The following PALM2AKAP2 variants were observed in gnomAD, a reference collection of about 807,000 sequenced individuals.
PALM2AKAP2 encodes the protein PALM2-AKAP2 fusion protein.
In PALM2AKAP2, 37 loss-of-function variants were observed where a neutral mutation model predicts 71.5. That is an observed-to-expected ratio of 0.52 (90% CI 0.40 to 0.68). The LOEUF (loss-of-function observed/expected upper bound fraction) is 0.68. Among genes scored for constraint, PALM2AKAP2 ranks in the 30% least tolerant of loss-of-function variants. The pLI is 0.00. For synonymous variants in PALM2AKAP2, 468 were observed against 478.8 expected (o/e 0.98, Z 0.29); for missense variants, 1,224 against 1,191.8 (o/e 1.03, Z -0.40).
chr9:110,060,581 G>A (rs1417022202), intron 1 of PALM2AKAP2, among the ~76,000 whole-genome samples: 2 of 151,700 alleles, frequency 1.3e-5, no homozygotes, highest in African/African-American at 2.4e-5. Flanking sequence ...GAGGAAAGAG[G>A]GTCAACAGGT....
intron 3 of PALM2AKAP2, among the ~76,000 whole-genome samples, chr9:109,886,807 C>T (rs938200590): frequency 6.6e-5 from 10 of 152,132 alleles, no homozygotes; most frequent in African/African-American, 1.4e-4. Context: ...GTTTTGGAAA[C>T]GGGTCAGAGT....
Position 110,110,700 on chromosome 9 carries a change from C to T in PALM2AKAP2, c.157-25427C>T, listed in dbSNP as rs537940940. ...TAGCTGGGATTACAGGCACCTGCCA[C>T]CATCCCTGGCTAATTTTTGTATTTT... On this transcript the variant is annotated intron_variant, in intron 1 of 3. Transcript: ENST00000374525. Among the ~76,000 whole-genome samples the T allele has an allele frequency of 6.0e-4, 92 of 152,080 alleles. No homozygotes were observed. The South Asian group carries it at 0.01, about 17-fold the overall frequency.
intron 6 of PALM2AKAP2, among the ~76,000 whole-genome samples, chr9:109,958,923 A>G (rs1354467027): frequency 2.6e-5 from 4 of 152,194 alleles, no homozygotes; most frequent in Non-Finnish European, 5.9e-5. Flanking sequence ...TACCTGCCTG[A>G]CCAAAATTTG....
intron 6 of PALM2AKAP2, among the ~76,000 whole-genome samples, chr9:109,935,731 G>C (rs538542919): frequency 1.1e-4 from 16 of 152,258 alleles, no homozygotes; most frequent in Non-Finnish European, 2.2e-4. Context: ...TTGAGTGTCA[G>C]CTTCCAGCAC....
intron 1 of PALM2AKAP2, among the ~76,000 whole-genome samples, chr9:110,116,975 C>A (rs1052146854): frequency 6.6e-6 from 1 of 152,114 alleles, no homozygotes; most frequent in Admixed American, 6.5e-5. Flanking sequence ...GAGCCCTGGC[C>A]GTTTAAAAGT....
chr9:109,691,879 CACATATATATATATATATATAT>C (rs1370753583), intron 1 of PALM2AKAP2, among the ~76,000 whole-genome samples: 1 of 50,508 alleles, frequency 2.0e-5, no homozygotes, highest in African/African-American at 6.7e-5. Context: ...CACACACACA[CACATATATATATATATATATAT>C]ACACACACAC....
At chr9:110,045,827 CA>C (rs1247489973), upstream of PALM2AKAP2, among the ~76,000 whole-genome samples, 1 of 152,130 alleles carries the variant, frequency 6.6e-6, no homozygotes, top group Non-Finnish European at 1.5e-5. Flanking sequence ...CTCGGACTCC[CA>C]AAGTGCTGGG....
At chr9:109,652,776 G>T (rs1218384976) in intron 1 of PALM2AKAP2, among the ~76,000 whole-genome samples, 1 of 152,048 alleles carries the variant, frequency 6.6e-6, no homozygotes, top group East Asian at 1.9e-4. Flanking sequence ...CCTTCATAGG[G>T]GTCACAATCT....
Position 110,019,093 on chromosome 9 carries a change from G to T in PALM2AKAP2, c.582+3054G>T, listed in dbSNP as rs112155451. Among the ~76,000 whole-genome samples, 1,511 of 151,996 alleles carry T rather than the reference G, an allele frequency of 9.9e-3. 27 individuals carry two copies. Among genetic ancestry groups the T allele is most frequent in the African/African-American group, 0.035 (1,449 of 41,422 alleles). ...GACTCTACTAAAAATACAAAAATTA[G>T]CCGGGTGTGATGGCGCGTGCCTGTA... On this transcript the variant is annotated intron_variant, in intron 7 of 9. Transcript: ENST00000302798.
At chr9:110,131,469 C>T (rs535301761) in intron 1 of PALM2AKAP2, among the ~76,000 whole-genome samples, 1 of 152,318 alleles carries the variant, frequency 6.6e-6, no homozygotes, top group Non-Finnish European at 1.5e-5. Context: ...TAATTTGAAG[C>T]ATGGAGAAAA....
intron 1 of PALM2AKAP2, among the ~76,000 whole-genome samples, chr9:109,712,402 T>C (rs1207938185): frequency 1.3e-5 from 2 of 152,196 alleles, no homozygotes; most frequent in Non-Finnish European, 2.9e-5. Context: ...TTTATCTCTA[T>C]CCAAGGTGAT....
chr9:110,026,984 A>G (rs1420622222), intron 7 of PALM2AKAP2, among the ~76,000 whole-genome samples: 1 of 152,208 alleles, frequency 6.6e-6, no homozygotes, highest in Non-Finnish European at 1.5e-5. Context: ...TAGAGGTTGC[A>G]GTGAGCCGAG....
chr9:109,999,752 T>TA (rs1832645988), intron 6 of PALM2AKAP2, among the ~76,000 whole-genome samples: 1 of 152,230 alleles, frequency 6.6e-6, no homozygotes, highest in Non-Finnish European at 1.5e-5. Flanking sequence ...GCCTAGGCCC[T>TA]AATTTGTGTC....
chr9:109,922,560 ATGAATGAATGAGTGAT>A (rs1830860572), intron 3 of PALM2AKAP2, among the ~76,000 whole-genome samples: 1 of 152,096 alleles, frequency 6.6e-6, no homozygotes, highest in African/African-American at 2.4e-5. Context: ...AAAAGAAAAA[ATGAATGAATGAGTGAT>A]TGAATGAATG....
intron 1 of PALM2AKAP2, among the ~76,000 whole-genome samples, chr9:110,097,517 CG>C (rs1834880575): frequency 6.6e-6 from 1 of 151,166 alleles, no homozygotes; most frequent in African/African-American, 2.4e-5. Context: ...CCTCACATCC[CG>C]GACGGGGCGA....
chr9:109,659,198 C>T (rs1473441391), intron 1 of PALM2AKAP2, among the ~76,000 whole-genome samples: 4 of 152,110 alleles, frequency 2.6e-5, no homozygotes, highest in Non-Finnish European at 4.4e-5. Context: ...CCAAACTAAG[C>T]AGAATTTTTA....
intron 6 of PALM2AKAP2, among the ~76,000 whole-genome samples, chr9:109,962,238 T>C (rs550969587): frequency 6.6e-6 from 1 of 152,278 alleles, no homozygotes; most frequent in South Asian, 2.1e-4. Context: ...TTACAAAGTG[T>C]TTTGGACACT....
chr9:110,048,833 C>A, exon 1 of PALM2AKAP2: 1 of 1,527,692 alleles, frequency 6.5e-7, no homozygotes, highest in Non-Finnish European at 8.7e-7. Context: ...CAGGACTGCG[C>A]CCCCGGGAGC....
chr9:109,893,049 G>A (rs4978856), intron 3 of PALM2AKAP2, among the ~76,000 whole-genome samples: 23,329 of 152,120 alleles, frequency 0.15, 2,250 homozygotes, highest in East Asian at 0.25. Context: ...ACTCGGGCCC[G>A]GTAAGCATCC....
Sources: gnomAD v4.1 joint callset for allele counts (sites outside exome capture counted in the v4.1 genomes callset) on GRCh38, gnomAD v4.1.1 for gene constraint, MANE v1.5 for transcripts, NCBI Gene and HGNC (gene_info 2026-07-23, HGNC 2026-07-21) for gene names.